ADAT1: variants seen among roughly 807,000 people sequenced by gnomAD.
ADAT1 encodes the protein tRNA-specific adenosine deaminase 1.
ADAT1 carries 58 observed loss-of-function variants against 58.6 expected under a neutral mutation model. The observed-to-expected ratio is 0.99, with a 90% CI of 0.80 to 1.23. ADAT1 has a LOEUF of 1.23. Ranked by LOEUF, ADAT1 falls within the 50% of genes most tolerant of loss-of-function variation. ADAT1 has a pLI of 0.00. For missense variants in ADAT1, 741 were observed against 608.6 expected, an observed-to-expected ratio of 1.22 and a Z score of -2.29; for synonymous variants, 254 against 220.8, an observed-to-expected ratio of 1.15 and a Z score of -1.33.
At chr16:75,614,835 T>G (rs1232067131) in intron 5 of ADAT1, among the ~76,000 whole-genome samples, 1 of 152,170 alleles carries the variant, frequency 6.6e-6, no homozygotes, top group Non-Finnish European at 1.5e-5. Context: ...TGGGAGGACA[T>G]CACATTTTAA....
Position 75,608,335 on chromosome 16 carries a change from T to G in ADAT1, c.1190-12A>C. ...ACTCCAGCTGATGGCTATGAAAAGA[T>G]AAGATTCTAGGGTTAAAACTGCTCA... On this transcript the variant is annotated splice_polypyrimidine_tract_variant and intron_variant, in intron 7 of 9. Transcript: ENST00000564657. The G allele has an allele frequency of 6.2e-7, 1 of 1,610,374 alleles. No individual in the cohort carries two copies. The highest frequency in any genetic ancestry group is 8.5e-7 in the Non-Finnish European group (1 of 1,176,754).
chr16:75,600,476 C>T, intron 9 of ADAT1, 128 bp from the exon 10 acceptor site: 1 of 1,427,938 alleles, frequency 7.0e-7, no homozygotes, highest in Admixed American at 2.4e-5. Flanking sequence ...GTTCAGTATG[C>T]TTTTGTGAAA....
At chr16:75,610,833 T>C (rs2081508852) in intron 6 of ADAT1, among the ~76,000 whole-genome samples, 1 of 152,206 alleles carries the variant, frequency 6.6e-6, no homozygotes. Context: ...TGTTTAGGGC[T>C]GGGTGAGGTG....
chr16:75,606,534 G>C (rs1487998569), intron 8 of ADAT1, among the ~76,000 whole-genome samples: 1 of 152,186 alleles, frequency 6.6e-6, no homozygotes, highest in African/African-American at 2.4e-5. Flanking sequence ...TAGCCTTGTG[G>C]AGAGGTCCTT....
intron 4 of ADAT1, among the ~76,000 whole-genome samples, chr16:75,618,379 G>A (rs1369188435): frequency 6.6e-6 from 1 of 151,736 alleles, no homozygotes; most frequent in Non-Finnish European, 1.5e-5. Context: ...GGTGGCACGG[G>A]CCTGTAGTCT....
At chr16:75,609,781 G>A (rs1350730922) in intron 6 of ADAT1, among the ~76,000 whole-genome samples, 1 of 152,100 alleles carries the variant, frequency 6.6e-6, no homozygotes, top group Non-Finnish European at 1.5e-5. Flanking sequence ...TCGGCTCACT[G>A]CAACTTCTGC....
At chr16:75,605,292 T>C (rs763469777) in intron 8 of ADAT1, among the ~76,000 whole-genome samples, 1 of 152,138 alleles carries the variant, frequency 6.6e-6, no homozygotes, top group African/African-American at 2.4e-5. Context: ...TTTCGCCATG[T>C]TGGCCACACT....
At position 75,599,561 on chromosome 16, in the gene ADAT1, C is replaced by T; in HGVS notation, c.*655G>A. The stretch of plus-strand genomic sequence containing the variant: ...TGCCTTCATTCTTTGCTGGCTTTCT[C>T]TAGGTAGTAGGAAAAGATGGCCACC... On this transcript the variant is annotated 3_prime_UTR_variant, in exon 10 of 10. Coordinates refer to ENST00000564657, the MANE Select transcript of ADAT1 (RefSeq NM_001324445.2). 4.1e-6 allele frequency: 4 copies of T among 985,884 alleles called. No individual in the cohort carries two copies. Among genetic ancestry groups the T allele is most frequent in the Non-Finnish European group, 4.8e-6 (4 of 829,994 alleles). 61.1% of individuals were successfully genotyped at this position (985,884 alleles called of 1,614,324 possible).
chr16:75,620,019 C>T (rs2278469), intron 3 of ADAT1, among the ~76,000 whole-genome samples: 17,863 of 152,074 alleles, frequency 0.12, 2,660 homozygotes, highest in East Asian at 0.73. Flanking sequence ...CCCAGGGACT[C>T]TGTGGTTTGA....
intron 8 of ADAT1, among the ~76,000 whole-genome samples, 184 bp from the exon 9 acceptor site, chr16:75,603,355 A>G (rs1409229706): frequency 6.6e-6 from 1 of 152,210 alleles, no homozygotes; most frequent in Non-Finnish European, 1.5e-5. Context: ...TATAAAAACG[A>G]GTCTAACCTT....
intron 5 of ADAT1, 72 bp downstream of exon 5, chr16:75,617,070 C>T: frequency 6.6e-7 from 1 of 1,515,154 alleles, no homozygotes; most frequent in Non-Finnish European, 8.9e-7. Flanking sequence ...TAGGAAAAAA[C>T]CTACCTATGG....
At chr16:75,618,718 G>C (rs1219013533) in intron 3 of ADAT1, 78 bp from the exon 4 acceptor site, 1 of 1,544,378 alleles carries the variant, frequency 6.5e-7, no homozygotes, top group South Asian at 1.2e-5. Flanking sequence ...GAACACAGCA[G>C]TCCCACCAGC....
Position 75,600,314 on chromosome 16 carries a change from C to T in ADAT1, c.1411G>A (p.Glu471Lys), listed in dbSNP as rs1250123147. The stretch of plus-strand genomic sequence containing the variant: ...GCTTCCTGGTAAGAGGACGCAGCCT[C>T]CTTGTACTCCTGGTAGGTATCCAGC... ...QKLDTYQEYK[E>K]AASSYQEAWS... The change falls in exon 10 of 10, where the codon GAG becomes AAG. Residue 471 changes from glutamate (E) to lysine (K), a missense_variant. Transcript: ENST00000564657. 1 of 1,614,032 alleles carries T rather than the reference C, an allele frequency of 6.2e-7. No homozygotes were observed. Among genetic ancestry groups the T allele is most frequent in the Non-Finnish European group, 8.5e-7 (1 of 1,180,026 alleles).
Position 75,597,437 on chromosome 16 carries a change from G to T in ADAT1, c.*2779C>A. 2.2e-6 allele frequency: 1 copy of T among 444,728 alleles called. No homozygotes were observed. The highest frequency in any genetic ancestry group is 4.5e-6 in the Non-Finnish European group (1 of 221,352). The allele number at this position is 444,728 out of a possible 1,614,324, so 27.5% of individuals were successfully genotyped here. Reference sequence around the variant, plus strand: ...TCTTCTTCAGAGCAGCAGTCCCCAAGGCACGAAAAAGTCTTCCTTAGAGCA... The same window carrying T: ...TCTTCTTCAGAGCAGCAGTCCCCAATGCACGAAAAAGTCTTCCTTAGAGCA... On this transcript the variant is annotated 3_prime_UTR_variant, in exon 10 of 10. Coordinates refer to ENST00000564657, the MANE Select transcript of ADAT1 (RefSeq NM_001324445.2).
At chr16:75,603,233 C>A in intron 8 of ADAT1, 62 bp from the exon 9 acceptor site, 2 of 1,415,996 alleles carry the variant, frequency 1.4e-6, no homozygotes, top group South Asian at 1.2e-5. Flanking sequence ...AAGCCCCTAT[C>A]AAAGATGCCA....
At chr16:75,603,036 A>C (rs1037629893) in intron 9 of ADAT1, 49 bp downstream of exon 9, 1 of 1,558,158 alleles carries the variant, frequency 6.4e-7, no homozygotes, top group Non-Finnish European at 8.8e-7. Context: ...AGCCAGAATC[A>C]AAACAGTTGT....
At chr16:75,618,462 T>C (rs149521513) in intron 4 of ADAT1, 124 bp downstream of exon 4, 54,200 of 530,380 alleles carry the variant, frequency 0.1, 3,123 homozygotes, top group Non-Finnish European at 0.12. Context: ...GCTGAGATCA[T>C]GCCACTGCAC....
intron 8 of ADAT1, among the ~76,000 whole-genome samples, chr16:75,604,538 TA>T (rs1297005547): frequency 7.4e-6 from 1 of 135,742 alleles, no homozygotes; most frequent in Non-Finnish European, 1.5e-5. Context: ...TATATATAAT[TA>T]TGGGGAAAAT....
chr16:75,614,611 C>T (rs2081646294), intron 5 of ADAT1, among the ~76,000 whole-genome samples: 3 of 152,180 alleles, frequency 2.0e-5, no homozygotes, highest in Admixed American at 6.5e-5. Context: ...CTTTGGAGAA[C>T]TCACCAGGGT....
Sources: allele counts gnomAD v4.1 joint callset (sites outside exome capture counted in the v4.1 genomes callset), GRCh38; gene constraint gnomAD v4.1.1; transcripts MANE v1.5; gene names NCBI Gene and HGNC (gene_info 2026-07-23, HGNC 2026-07-21).